Variants in CELF2 observed in about 807,000 individuals in gnomAD.
The protein encoded by CELF2 is CUGBP Elav-like family member 2.
In CELF2, 8 loss-of-function variants were observed where a neutral mutation model predicts 62.6. The ratio of observed to expected loss-of-function variants is 0.13; its 90% confidence interval spans 0.07 to 0.23. The LOEUF (loss-of-function observed/expected upper bound fraction) is 0.23, where lower values mean the gene tolerates loss of function less well. Ranked by LOEUF, CELF2 falls within the 10% of genes least tolerant of loss-of-function variation. The pLI, the probability that CELF2 is intolerant of heterozygous loss-of-function variation, is 1.00. For missense variants in CELF2, 333 were observed against 671.0 expected, an observed-to-expected ratio of 0.50 and a Z score of 5.56; for synonymous variants, 258 against 250.0, an observed-to-expected ratio of 1.03 and a Z score of -0.30.
At chr10:11,233,463 A>G (rs375893452) in intron 3 of CELF2, among the ~76,000 whole-genome samples, 1 of 152,196 alleles carries the variant, frequency 6.6e-6, no homozygotes, top group South Asian at 2.1e-4. Flanking sequence ...CTACCTCTAC[A>G]GGCTGCTGCC....
At chr10:10,849,593 A>G (rs1446836945) in intron 1 of CELF2, among the ~76,000 whole-genome samples, 2 of 152,126 alleles carry the variant, frequency 1.3e-5, no homozygotes, top group East Asian at 3.9e-4. Flanking sequence ...CTAAGTTCTT[A>G]GGTGTGTGTT....
At chr10:10,507,129 G>T in the CELF2 span, among the ~76,000 whole-genome samples, 1 of 152,082 alleles carries the variant, frequency 6.6e-6, no homozygotes, top group African/African-American at 2.4e-5. Flanking sequence ...TAGGTTTCAG[G>T]CACTTCAATG....
intron 2 of CELF2, among the ~76,000 whole-genome samples, chr10:10,941,743 C>T (rs1354683183): frequency 6.6e-6 from 1 of 152,130 alleles, no homozygotes; most frequent in Admixed American, 6.5e-5. Flanking sequence ...CCTATAATCC[C>T]AGCACATTGG....
intron 2 of CELF2, among the ~76,000 whole-genome samples, chr10:11,192,023 A>G (rs665427): frequency 0.99 from 151,233 of 152,330 alleles, 75,082 homozygotes; most frequent in Middle Eastern, 1. Flanking sequence ...AGTATTGAGG[A>G]AGTGTCACCT....
At chr10:10,662,906 C>G in the CELF2 span, among the ~76,000 whole-genome samples, 2 of 152,182 alleles carry the variant, frequency 1.3e-5, no homozygotes, top group African/African-American at 4.8e-5. Context: ...CCATGACCCC[C>G]ACAGCACTTG....
At chr10:10,867,934 C>T (rs1479260732) in intron 1 of CELF2, among the ~76,000 whole-genome samples, 1 of 152,224 alleles carries the variant, frequency 6.6e-6, no homozygotes, top group Non-Finnish European at 1.5e-5. Flanking sequence ...AACCCACTCT[C>T]CCATCCTTCT....
In CELF2 at chr10:11,318,675, T is replaced by G. The variant is rs1591436472; in HGVS notation, c.1097-2514T>G. 2.3e-6 allele frequency: 1 copy of G among 429,488 alleles called. No homozygotes were observed. The allele number at this position is 429,488 out of a possible 1,614,324, so 26.6% of individuals were successfully genotyped here. ...TTCAAGAGCAGGAGCTGTGTTCTGC[T>G]TCTGCATTGTAAGAGAGAAACATTT... On this transcript the variant is annotated intron_variant, in intron 10 of 12. Coordinates refer to ENST00000633077, the MANE Select transcript of CELF2 (RefSeq NM_001326342.2). This position sits in a 1 kb window ranked among gnomAD's most constrained non-coding sequence, Gnocchi z 5.4.
chr10:10,519,530 T>C, the CELF2 span, among the ~76,000 whole-genome samples: 3 of 152,068 alleles, frequency 2.0e-5, no homozygotes, highest in Non-Finnish European at 1.5e-5. Flanking sequence ...AAAAGAAAAA[T>C]AGTCCTGACA....
chr10:11,311,639 C>T lies in CELF2; in HGVS notation c.977-2500C>T, dbSNP rs1359385467. Among the ~76,000 whole-genome samples the T allele has an allele frequency of 2.0e-5, 3 of 152,016 alleles. No individual in the cohort carries two copies. Among genetic ancestry groups the T allele is most frequent in the Non-Finnish European group, 4.4e-5 (3 of 67,988 alleles). On this transcript the variant is annotated intron_variant, in intron 9 of 12. Transcript: ENST00000633077. The surrounding 1 kb of genome is among the most constrained non-coding windows in gnomAD (Gnocchi z 4.7). ...CCACTGATTATGAAAAATGACCAAT[C>T]ATGTTGATAACATTCTAGAAATGAA... is the stretch of plus-strand genomic sequence containing the variant.
chr10:11,189,876 C>T (rs1331383109), intron 2 of CELF2, among the ~76,000 whole-genome samples: 1 of 152,208 alleles, frequency 6.6e-6, no homozygotes, highest in Non-Finnish European at 1.5e-5. Context: ...CCATGCTTTC[C>T]AGGTCTTCCA....
At chr10:11,323,427 T>TAATAAC (rs1441286562) in intron 11 of CELF2, among the ~76,000 whole-genome samples, 1 of 126,986 alleles carries the variant, frequency 7.9e-6, no homozygotes, top group Admixed American at 7.5e-5. Flanking sequence ...AGAGCAAAAA[T>TAATAAC]AATAATAATA....
At chr10:10,723,969 A>G in the CELF2 span, among the ~76,000 whole-genome samples, 1 of 152,160 alleles carries the variant, frequency 6.6e-6, no homozygotes, top group African/African-American at 2.4e-5. Flanking sequence ...AATCTTTCAT[A>G]TCAATACGTT....
At chr10:10,757,297 A>T in the CELF2 span, among the ~76,000 whole-genome samples, 1 of 151,494 alleles carries the variant, frequency 6.6e-6, no homozygotes, top group Non-Finnish European at 1.5e-5. Flanking sequence ...TTCTCTACAA[A>T]AAAATAAAAT....
At chr10:11,029,977 G>A (rs2059843102) in intron 1 of CELF2, among the ~76,000 whole-genome samples, 1 of 152,134 alleles carries the variant, frequency 6.6e-6, no homozygotes, top group Admixed American at 6.5e-5. Flanking sequence ...CGTTTTTCAG[G>A]TCTCCTAAGG....
intron 1 of CELF2, among the ~76,000 whole-genome samples, chr10:11,047,276 G>C (rs1479512962): frequency 1.3e-5 from 2 of 152,170 alleles, no homozygotes; most frequent in African/African-American, 4.8e-5. Context: ...GCCAACCCAT[G>C]AGTTCAGTTT....
chr10:10,589,122 T>C, the CELF2 span, among the ~76,000 whole-genome samples: 1 of 152,172 alleles, frequency 6.6e-6, no homozygotes, highest in East Asian at 1.9e-4. Context: ...ACGATGTACA[T>C]TGGTTTGGTC....
chr10:10,827,642 G>T (rs1334990481), intron 1 of CELF2, among the ~76,000 whole-genome samples: 1 of 152,140 alleles, frequency 6.6e-6, no homozygotes, highest in Non-Finnish European at 1.5e-5. Context: ...CAGGGGAGCT[G>T]ATTTATGCTT....
chr10:11,314,503 T>C lies in CELF2; in HGVS notation c.1096+245T>C. The stretch of plus-strand genomic sequence containing the variant: ...GTAGCACAGCGCGTGTGCTCATCCA[T>C]GGGGTTCTGTGGCTGGCAGCTCTTT... On this transcript the variant is annotated intron_variant, in intron 10 of 12. Coordinates refer to ENST00000633077, the MANE Select transcript of CELF2 (RefSeq NM_001326342.2). This position sits in a 1 kb window ranked among gnomAD's most constrained non-coding sequence, Gnocchi z 5.3. 1 of 541,722 alleles carries C rather than the reference T, an allele frequency of 1.8e-6. No homozygotes were observed. Among genetic ancestry groups the C allele is most frequent in the Non-Finnish European group, 3.4e-6 (1 of 295,962 alleles). 33.6% of individuals were successfully genotyped at this position (541,722 alleles called of 1,614,324 possible). A position where few individuals can be genotyped will look rare whatever the true frequency, so the allele number is the denominator to read the frequency against.
chr10:10,820,321 G>A (rs889559361), intron 1 of CELF2, among the ~76,000 whole-genome samples: 1 of 152,146 alleles, frequency 6.6e-6, no homozygotes, highest in Non-Finnish European at 1.5e-5. Context: ...GGAAAAATCT[G>A]TAACTTGTCC....
Sources: gnomAD v4.1 joint callset for allele counts (sites outside exome capture counted in the v4.1 genomes callset) on GRCh38, gnomAD v4.1.1 for gene constraint, Gnocchi (gnomAD v3.1) non-coding constraint, MANE v1.5 for transcripts, NCBI Gene and HGNC (gene_info 2026-07-23, HGNC 2026-07-21) for gene names.